The following SIRT1 variants were observed in gnomAD, a reference collection of about 807,000 sequenced individuals.
The protein encoded by SIRT1 is NAD-dependent protein deacetylase sirtuin-1.
A neutral mutation model predicts 67.9 loss-of-function variants in SIRT1; 24 were observed. The ratio of observed to expected loss-of-function variants is 0.35; its 90% CI spans 0.26 to 0.50. The LOEUF is 0.50. SIRT1 is among the 20% of genes least tolerant of loss of function. SIRT1 has a pLI of 0.98. For synonymous variants in SIRT1, 378 were observed against 350.7 expected (o/e 1.08, Z -0.87); for missense variants, 873 against 937.2 (o/e 0.93, Z 0.89).
intron 5 of SIRT1, among the ~76,000 whole-genome samples, chr10:67,907,216 T>A (rs541370140): frequency 1.1e-4 from 17 of 152,296 alleles, no homozygotes; most frequent in Non-Finnish European, 2.1e-4. Context: ...CTTTTCTGGC[T>A]GAGTGCAGTG....
intron 7 of SIRT1, among the ~76,000 whole-genome samples, chr10:67,910,690 T>C (rs1235442691): frequency 6.6e-6 from 1 of 152,192 alleles, no homozygotes; most frequent in East Asian, 1.9e-4. Context: ...AGCCATGCCA[T>C]AACGGTGATA....
rs2029907595 is a variant in SIRT1, at chr10:67,916,245, T to G, written c.1916-20T>G. 1 of 1,578,922 alleles carries G rather than the reference T, an allele frequency of 6.3e-7. No homozygotes were observed. Among genetic ancestry groups the G allele is most frequent in the Non-Finnish European group, 8.7e-7 (1 of 1,155,860 alleles). On this transcript the variant is annotated intron_variant, in intron 8 of 8. Coordinates refer to ENST00000212015, the MANE Select transcript of SIRT1 (RefSeq NM_012238.5). ...TAGTGTTAGAAAACTGAAAGTAACA[T>G]TTTTATTACTGTATTTCAGGTAATC...
At position 67,886,905 on chromosome 10, in the gene SIRT1, C is replaced by T. The variant is rs143646121; in HGVS notation, c.431-512C>T. Among the ~76,000 whole-genome samples the T allele has an allele frequency of 5.5e-3, 820 of 148,882 alleles. 7 individuals carry two copies. The highest frequency in any genetic ancestry group is 0.019 in the African/African-American group (785 of 40,336). On this transcript the variant is annotated intron_variant, in intron 1 of 8. Coordinates refer to ENST00000212015, the MANE Select transcript of SIRT1 (RefSeq NM_012238.5). ...TTTTTTTAAAAGGTGGAGTTTCGCT[C>T]TTGTTACCCAAGCTGGAGTGCAATG... is the stretch of plus-strand genomic sequence containing the variant.
rs189541378 is a variant in SIRT1, at chr10:67,913,552, A to G, written c.1915+521A>G. On this transcript the variant is annotated intron_variant, in intron 8 of 8. Coordinates refer to ENST00000212015, the MANE Select transcript of SIRT1 (RefSeq NM_012238.5). Reference sequence around the variant, plus strand: ...ATCTTTGTTTTCTCTGAGGACTTAGAAAAAACACGCGTGATTCTTCTCCAC... The same window carrying G: ...ATCTTTGTTTTCTCTGAGGACTTAGGAAAAACACGCGTGATTCTTCTCCAC... 4.2e-3 allele frequency among the ~76,000 whole-genome samples: 643 copies of G among 152,306 alleles called. 5 individuals are homozygous for G. Among genetic ancestry groups the G allele is most frequent in the African/African-American group, 0.015 (614 of 41,560 alleles).
chr10:67,885,066 G>C lies in SIRT1; in HGVS notation c.345G>C (p.Pro115=). ...PGLQGPSREP[P]LADNLYDEDD... The stretch of plus-strand genomic sequence containing the variant: ...TGCAGGGCCCATCTCGGGAGCCACC[G>C]CTGGCCGACAACTTGTACGACGAAG... Residue 115 remains proline, a synonymous_variant, in exon 1 of 9, where the codon CCG becomes CCC. Coordinates refer to ENST00000212015, the MANE Select transcript of SIRT1 (RefSeq NM_012238.5). The C allele has an allele frequency of 7.0e-7, 1 of 1,435,820 alleles. No individual in the cohort carries two copies. The highest frequency in any genetic ancestry group is 9.2e-7 in the Non-Finnish European group (1 of 1,087,466). 88.9% of individuals were successfully genotyped at this position (1,435,820 alleles called of 1,614,324 possible).
chr10:67,906,983 T>C, intron 5 of SIRT1, 46 bp downstream of exon 5: 2 of 1,478,418 alleles, frequency 1.4e-6, no homozygotes, highest in South Asian at 1.4e-5. Context: ...TTTAGTTTTA[T>C]AGGAAGATAT....
chr10:67,900,071 G>A (rs1254378194), intron 4 of SIRT1, among the ~76,000 whole-genome samples: 3 of 152,080 alleles, frequency 2.0e-5, no homozygotes, highest in Admixed American at 1.3e-4. Context: ...GCAACAGAGC[G>A]AGACTCTATC....
At chr10:67,888,532 G>A (rs1842521097) in intron 2 of SIRT1, among the ~76,000 whole-genome samples, 1 of 152,028 alleles carries the variant, frequency 6.6e-6, no homozygotes, top group Admixed American at 6.6e-5. Flanking sequence ...CAGGCTTTTA[G>A]GACTGGTACG....
At chr10:67,892,751 G>A (rs1050862817) in intron 4 of SIRT1, among the ~76,000 whole-genome samples, 1 of 152,036 alleles carries the variant, frequency 6.6e-6, no homozygotes, top group African/African-American at 2.4e-5. Context: ...ACAGGCGCCC[G>A]CTACCATGCC....
At chr10:67,906,394 T>TA in intron 4 of SIRT1, 4 of 1,129,092 alleles carry the variant, frequency 3.5e-6, no homozygotes, top group Middle Eastern at 2.4e-4. Context: ...GCTTTTTTTT[T>TA]TAAATCACCC....
In SIRT1 at chr10:67,908,145, T is replaced by G. The variant is rs1242337020; in HGVS notation, c.1170+20T>G. 2 of 1,598,192 alleles carry G rather than the reference T, an allele frequency of 1.3e-6. No individual in the cohort carries two copies. The highest frequency in any genetic ancestry group is 1.7e-6 in the Non-Finnish European group (2 of 1,166,644). ...AATCAGGTAATTTGTTGCCCATATT[T>G]TAGGAATTGTTCATGTCTCTGAAGT... On this transcript the variant is annotated intron_variant, in intron 6 of 8. Coordinates refer to ENST00000212015, the MANE Select transcript of SIRT1 (RefSeq NM_012238.5).
intron 4 of SIRT1, among the ~76,000 whole-genome samples, chr10:67,903,023 G>T (rs911948655): frequency 6.6e-6 from 1 of 152,278 alleles, no homozygotes; most frequent in South Asian, 2.1e-4. Context: ...CCCAGGAGAG[G>T]TGGAGGTTGC....
intron 4 of SIRT1, among the ~76,000 whole-genome samples, chr10:67,905,502 C>G (rs1348270675): frequency 6.6e-6 from 1 of 152,124 alleles, no homozygotes; most frequent in African/African-American, 2.4e-5. Flanking sequence ...TAGCTGTTAA[C>G]GGAATTCACT....
Position 67,918,275 on chromosome 10 carries a change from CTG to C in SIRT1, c.*1684_*1685del, listed in dbSNP as rs2029992619. On this transcript the variant is annotated 3_prime_UTR_variant, in exon 9 of 9. Coordinates refer to ENST00000212015, the MANE Select transcript of SIRT1 (RefSeq NM_012238.5). The stretch of plus-strand genomic sequence containing the variant: ...AATTTACTGGCATATGTTTTGTAGA[CTG>C]TTTAATGACTGGATATCTTCCTTCA... 6.6e-6 allele frequency: 1 copy of C among 152,582 alleles called. No homozygotes were observed. The highest frequency in any genetic ancestry group is 2.4e-5 in the African/African-American group (1 of 41,436). The allele number at this position is 152,582 out of a possible 1,614,324, so 9.5% of individuals were successfully genotyped here.
At chr10:67,913,899 C>T (rs748529341) in intron 8 of SIRT1, among the ~76,000 whole-genome samples, 10 of 151,588 alleles carry the variant, frequency 6.6e-5, no homozygotes, top group Non-Finnish European at 1.5e-4. Context: ...AACCTTTGGC[C>T]TTTTTCATAT....
rs764719365 is a variant in SIRT1 at position 67,887,484 on chromosome 10, T to C, written c.498T>C (p.Asp166=). ...GFHSCESDEE[D]RASHASSSDW... ...ATTCCTGTGAAAGTGATGAGGAGGA[T>C]AGAGCCTCACATGCAAGCTCTAGTG... The change falls in exon 2 of 9, where the codon GAT becomes GAC. Residue 166 remains aspartate, a synonymous_variant. Transcript: ENST00000212015. The C allele has an allele frequency of 6.2e-7, 1 of 1,613,944 alleles. No individual in the cohort carries two copies. The highest frequency in any genetic ancestry group is 8.5e-7 in the Non-Finnish European group (1 of 1,179,836).
intron 4 of SIRT1, among the ~76,000 whole-genome samples, chr10:67,906,454 G>T (rs1842821786): frequency 6.6e-6 from 1 of 151,336 alleles, no homozygotes; most frequent in Non-Finnish European, 1.5e-5. Context: ...TTTCTTTAAA[G>T]AAAAAAATCT....
In SIRT1 at chr10:67,885,019, GA is replaced by G; in HGVS notation, c.300del (p.Gly101GlufsTer82). 7.5e-7 allele frequency: 1 copy of G among 1,339,458 alleles called. No individual in the cohort carries two copies. The highest frequency in any genetic ancestry group is 9.7e-7 in the Non-Finnish European group (1 of 1,036,010). The allele number at this position is 1,339,458 out of a possible 1,614,324, so 83.0% of individuals were successfully genotyped here. On this transcript the variant is annotated frameshift_variant, in exon 1 of 9. Coordinates refer to ENST00000212015, the MANE Select transcript of SIRT1 (RefSeq NM_012238.5). LOFTEE classifies it high-confidence loss of function. ...GGCCCAGGCGACTGCGGCGGCTGGG[GA>G]AGGAGACAATGGGCCGGGCCTGCAG... ...QEAQATAAAG[E>X]GDNGPGLQGP...
intron 7 of SIRT1, among the ~76,000 whole-genome samples, chr10:67,911,577 A>G (rs1017415541): frequency 1.3e-5 from 2 of 151,962 alleles, no homozygotes; most frequent in African/African-American, 2.4e-5. Context: ...GGTTTATAAT[A>G]GCGTAGAATA....
Sources: allele counts gnomAD v4.1 joint callset (sites outside exome capture counted in the v4.1 genomes callset), GRCh38; gene constraint gnomAD v4.1.1; transcripts MANE v1.5; gene names NCBI Gene and HGNC (gene_info 2026-07-23, HGNC 2026-07-21).